PCDHA6: variants seen among roughly 807,000 people sequenced by gnomAD.
PCDHA6 encodes protocadherin alpha 6.
A neutral mutation model predicts 60.3 loss-of-function variants in PCDHA6; 55 were observed. The ratio of observed to expected loss-of-function variants is 0.91; its 90% CI spans 0.73 to 1.14. The LOEUF (loss-of-function observed/expected upper bound fraction) is 1.14, where lower values mean the gene tolerates loss of function less well. PCDHA6 is among the 50% of genes most tolerant of loss of function. The pLI is 0.00. For missense variants in PCDHA6, 1,327 were observed against 1,256.5 expected, an observed-to-expected ratio of 1.06 and a Z score of -0.85; for synonymous variants, 652 against 557.9, an observed-to-expected ratio of 1.17 and a Z score of -2.38.
At chr5:141,001,833 G>GAGACAGAGAGAGAGGTTGATT (rs1554258319) in intron 3 of PCDHA6, among the ~76,000 whole-genome samples, 1 of 151,780 alleles carries the variant, frequency 6.6e-6, no homozygotes, top group East Asian at 1.9e-4. Context: ...GACAGAGAGG[G>GAGACAGAGAGAGAGGTTGATT]AGACAGAGAG....
chr5:140,870,346 G>C (rs782365260), intron 1 of PCDHA6: 2 of 1,614,236 alleles, frequency 1.2e-6, no homozygotes, highest in Non-Finnish European at 1.7e-6. Context: ...CCTGGACCGC[G>C]AGAACGTGTG....
chr5:140,861,492 C>T (rs367687867), intron 1 of PCDHA6: 11 of 487,014 alleles, frequency 2.3e-5, no homozygotes, highest in Middle Eastern at 7.2e-4. Flanking sequence ...TGTGAGTTCT[C>T]TGATAGACCT....
intron 1 of PCDHA6, among the ~76,000 whole-genome samples, chr5:140,944,214 G>T (rs72801002): frequency 0.015 from 2,290 of 152,232 alleles, 30 homozygotes; most frequent in Non-Finnish European, 0.021. Context: ...TTTAAAGAGG[G>T]TTTTACTCTG....
intron 1 of PCDHA6, chr5:140,834,285 A>G: frequency 8.5e-7 from 1 of 1,171,912 alleles, no homozygotes; most frequent in South Asian, 1.5e-5. Context: ...TGGATGCACA[A>G]CAATGGCCAC....
intron 1 of PCDHA6, chr5:140,967,037 G>C (rs1429896772): frequency 2.5e-6 from 4 of 1,611,378 alleles, no homozygotes; most frequent in South Asian, 1.1e-5. Flanking sequence ...GCGCTACCTG[G>C]AGCTGGACCT....
At chr5:141,002,174 C>T (rs2098063920) in intron 3 of PCDHA6, among the ~76,000 whole-genome samples, 1 of 152,224 alleles carries the variant, frequency 6.6e-6, no homozygotes, top group Non-Finnish European at 1.5e-5. Context: ...AGGCAGGCTC[C>T]AGAGTGCTGT....
intron 1 of PCDHA6, among the ~76,000 whole-genome samples, chr5:140,931,683 A>C (rs1482331530): frequency 6.6e-6 from 1 of 151,950 alleles, no homozygotes; most frequent in Non-Finnish European, 1.5e-5. Flanking sequence ...AAATAAATGA[A>C]TTGTGATTCA....
intron 1 of PCDHA6, chr5:140,866,231 A>G (rs1467927263): frequency 1.3e-5 from 2 of 152,172 alleles, no homozygotes; most frequent in Non-Finnish European, 2.9e-5. Context: ...ACTAAATACT[A>G]TATACCAAAA....
At chr5:140,985,459 C>A (rs1587084925) in intron 3 of PCDHA6, among the ~76,000 whole-genome samples, 1 of 152,236 alleles carries the variant, frequency 6.6e-6, no homozygotes, top group East Asian at 1.9e-4. Flanking sequence ...GGGAAATGCT[C>A]CAAAAAATTT....
At chr5:140,989,863 TTCTC>T (rs2097364159) in intron 3 of PCDHA6, among the ~76,000 whole-genome samples, 1 of 151,988 alleles carries the variant, frequency 6.6e-6, no homozygotes, top group Non-Finnish European at 1.5e-5. Flanking sequence ...AGAGGAATCT[TTCTC>T]TGCCTCAGCA....
At chr5:140,973,325 A>G (rs180770098) in intron 1 of PCDHA6, among the ~76,000 whole-genome samples, 71 of 152,216 alleles carry the variant, frequency 4.7e-4, no homozygotes, top group African/African-American at 1.7e-3. Context: ...CAGAGTTTAC[A>G]CTCGTTGTAA....
At chr5:140,876,554 A>C (rs2056417075) in intron 1 of PCDHA6, 2 of 1,614,052 alleles carry the variant, frequency 1.2e-6, no homozygotes, top group African/African-American at 2.7e-5. Context: ...CCTGTGCAAG[A>C]GGATGCTCAG....
intron 1 of PCDHA6, chr5:140,867,274 C>T (rs2049858759): frequency 6.6e-6 from 1 of 151,960 alleles, no homozygotes; most frequent in Non-Finnish European, 1.5e-5. Flanking sequence ...CAAAATAAAC[C>T]TGATGTGCTT....
intron 1 of PCDHA6, chr5:140,883,205 A>C: frequency 6.2e-7 from 1 of 1,614,036 alleles, no homozygotes; most frequent in Non-Finnish European, 8.5e-7. Flanking sequence ...TTTCGAAGAA[A>C]AGAAATTATA....
At chr5:140,921,965 A>T (rs1459699467) in intron 1 of PCDHA6, among the ~76,000 whole-genome samples, 1 of 152,112 alleles carries the variant, frequency 6.6e-6, no homozygotes. Flanking sequence ...AGAAAACCAA[A>T]GGAAAAAATA....
At position 140,926,980 on chromosome 5, in the gene PCDHA6, A is replaced by T. The variant is rs781916280; in HGVS notation, c.2395-51969A>T. ...GCTCGAGTACTCAGTGCCGGAGGAG[A>T]CGGAGCGGGGCGTAGCCGTAGGCAA... On this transcript the variant is annotated intron_variant, in intron 1 of 3. Transcript: ENST00000529310. The T allele has an allele frequency of 1.9e-6, 3 of 1,610,246 alleles. No individual in the cohort carries two copies. The Admixed American group carries it at 5.0e-5, about 27-fold the overall frequency.
In PCDHA6 at chr5:140,849,860, C is replaced by T. The variant is rs1451585591; in HGVS notation, c.2394+19375C>T. The T allele has an allele frequency of 5.6e-5, 89 of 1,598,432 alleles. 9 individuals carry two copies. Among genetic ancestry groups the T allele is most frequent in the Non-Finnish European group, 7.4e-5 (87 of 1,167,988 alleles). ...ACGTGAACGACAACGCACCAGCGTT[C>T]GCGCAGTCCGAGTACACGGTGTTCG... On this transcript the variant is annotated intron_variant, in intron 1 of 3. Transcript: ENST00000529310.
rs1479171365 is a variant in PCDHA6, at chr5:140,869,633, A to AT, written c.2394+39153dup. 9 of 1,613,494 alleles carry AT rather than the reference A, an allele frequency of 5.6e-6. No homozygotes were observed. In the African/African-American group the frequency reaches 8.0e-5, roughly 14 times the overall value. On this transcript the variant is annotated intron_variant, in intron 1 of 3. Coordinates refer to ENST00000529310, the MANE Select transcript of PCDHA6 (RefSeq NM_018909.4). ...ACCTACAGGCTAAGTAAAAATGAGT[A>AT]TTTTTCTTTAGATTCACCAACAAAT...
chr5:140,850,840 C>A (rs2150500104), intron 1 of PCDHA6: 2 of 1,597,492 alleles, frequency 1.3e-6, no homozygotes, highest in Non-Finnish European at 1.7e-6. Context: ...TGTGCTGGAT[C>A]TACAGAGCGA....
Sources: allele counts gnomAD v4.1 joint callset (sites outside exome capture counted in the v4.1 genomes callset), GRCh38; gene constraint gnomAD v4.1.1; transcripts MANE v1.5; gene names NCBI Gene and HGNC (gene_info 2026-07-23, HGNC 2026-07-21).